RCL1: variants seen among roughly 807,000 people sequenced by gnomAD.
RCL1 encodes the protein RNA 3'-terminal phosphate cyclase-like protein.
In RCL1, 24 loss-of-function variants were observed where a neutral mutation model predicts 42.4. The ratio of observed to expected loss-of-function variants is 0.57; its 90% CI spans 0.41 to 0.80. The LOEUF (loss-of-function observed/expected upper bound fraction) is 0.80, where lower values mean the gene tolerates loss of function less well. Ranked by LOEUF, RCL1 falls within the 30% of genes least tolerant of loss-of-function variation. The pLI is 0.00. For synonymous variants in RCL1, 228 were observed against 177.3 expected (o/e 1.29, Z -2.27); for missense variants, 578 against 467.9 (o/e 1.24, Z -2.17).
chr9:4,855,082 G>C (rs1269918066), intron 8 of RCL1, among the ~76,000 whole-genome samples: 1 of 149,144 alleles, frequency 6.7e-6, no homozygotes. Flanking sequence ...AATAGGAAAA[G>C]TTATCTCTGT....
In RCL1 at chr9:4,823,565, A is replaced by T. The variant is rs780856398; in HGVS notation, c.154A>T (p.Ile52Leu). Residue 52 changes from isoleucine to leucine, a missense_variant, in exon 2 of 9, where the codon ATA becomes TTA. Ile to Leu is a conservative substitution (Grantham distance 5). Coordinates refer to ENST00000381750, the MANE Select transcript of RCL1 (RefSeq NM_005772.5). ...PGLRDFEASF[I>L]RLLDKITNGS... Reference sequence around the variant, plus strand: ...CTTCACAGATTTTGAAGCCAGCTTCATAAGGCTATTGGACAAAATAACGAA... The same window carrying T: ...CTTCACAGATTTTGAAGCCAGCTTCTTAAGGCTATTGGACAAAATAACGAA... 5 of 1,611,236 alleles carry T rather than the reference A, an allele frequency of 3.1e-6. No individual in the cohort carries two copies. Among genetic ancestry groups the T allele is most frequent in the South Asian group, 1.1e-5 (1 of 90,592 alleles).
At chr9:4,847,234 T>C (rs1817551742) in intron 7 of RCL1, among the ~76,000 whole-genome samples, 1 of 152,172 alleles carries the variant, frequency 6.6e-6, no homozygotes, top group Non-Finnish European at 1.5e-5. Context: ...CTGGACCAAA[T>C]TTCTTTCGTT....
At chr9:4,817,533 G>T (rs1044355056) in intron 1 of RCL1, among the ~76,000 whole-genome samples, 6 of 151,016 alleles carry the variant, frequency 4.0e-5, no homozygotes, top group Non-Finnish European at 7.4e-5. Flanking sequence ...CAGTGCAGTG[G>T]CTCCATCATG....
intron 8 of RCL1, among the ~76,000 whole-genome samples, chr9:4,849,966 G>A (rs1817670016): frequency 6.6e-6 from 1 of 152,152 alleles, no homozygotes; most frequent in South Asian, 2.1e-4. Context: ...TGGGAAAGAT[G>A]ACAAAAGACA....
chr9:4,853,911 C>G (rs1451972551), intron 8 of RCL1, among the ~76,000 whole-genome samples: 1 of 152,122 alleles, frequency 6.6e-6, no homozygotes, highest in East Asian at 1.9e-4. Context: ...CCCACTCAGC[C>G]TAAAGCTCAG....
intron 1 of RCL1, among the ~76,000 whole-genome samples, chr9:4,801,996 C>G (rs557385225): frequency 6.6e-6 from 1 of 151,630 alleles, no homozygotes; most frequent in Non-Finnish European, 1.5e-5. Context: ...GCAGCCTCCG[C>G]CTGCCAGGTT....
intron 8 of RCL1, among the ~76,000 whole-genome samples, chr9:4,851,747 A>AG (rs1201487521): frequency 6.6e-6 from 1 of 151,050 alleles, no homozygotes; most frequent in Admixed American, 6.6e-5. Context: ...TAAAAAAAAA[A>AG]AAGCATTTCT....
intron 8 of RCL1, chr9:4,850,494 T>TTA: frequency 1.6e-5 from 1 of 62,274 alleles, no homozygotes; most frequent in South Asian, 1.8e-4. Context: ...TTTTTTTTTC[T>TTA]TTTTTTTTTT....
rs1396068289 is a variant in RCL1 at position 4,849,479 on chromosome 9, G to A, written c.900G>A (p.Leu300=). Residue 300 remains leucine (L), a synonymous_variant, in exon 8 of 9, where the codon CTG becomes CTA. Transcript: ENST00000381750. ...GGCVDSTNQS[L]ALLLMTLGQQ... is the part of the protein sequence containing the mutation. ...GCGTAGACTCGACCAACCAAAGCCT[G>A]GCGCTACTACTCATGACCCTTGGAC... The A allele has an allele frequency of 6.2e-7, 1 of 1,614,010 alleles. No homozygotes were observed. Among genetic ancestry groups the A allele is most frequent in the Non-Finnish European group, 8.5e-7 (1 of 1,179,976 alleles).
At position 4,860,555 on chromosome 9, in the gene RCL1, G is replaced by A. The variant is rs755603237; in HGVS notation, c.*280G>A. 1.7e-4 allele frequency: 64 copies of A among 378,202 alleles called. No individual in the cohort carries two copies. The highest frequency in any genetic ancestry group is 6.9e-4 in the Middle Eastern group (1 of 1,450). 23.4% of individuals were successfully genotyped at this position (378,202 alleles called of 1,614,324 possible). ...TGTGCCTTCAGGCCACAGTCGTGCTGCTAGAACAGTCTCGTAGCTGCAGTT... is the reference window on the plus strand; with the variant it reads ...TGTGCCTTCAGGCCACAGTCGTGCTACTAGAACAGTCTCGTAGCTGCAGTT... On this transcript the variant is annotated 3_prime_UTR_variant, in exon 9 of 9. Coordinates refer to ENST00000381750, the MANE Select transcript of RCL1 (RefSeq NM_005772.5).
intron 5 of RCL1, 89 bp downstream of exon 5, chr9:4,834,354 A>G: frequency 7.0e-7 from 1 of 1,428,578 alleles, no homozygotes; most frequent in African/African-American, 1.4e-5. Flanking sequence ...CTTCTTCCCG[A>G]GGTTATTTAC....
intron 3 of RCL1, among the ~76,000 whole-genome samples, chr9:4,831,516 T>A (rs1172561507): frequency 1.3e-5 from 2 of 152,136 alleles, no homozygotes; most frequent in African/African-American, 4.8e-5. Flanking sequence ...TCACTCTGTC[T>A]CCCAGGCTGG....
chr9:4,795,706 GT>G (rs1842902945), intron 1 of RCL1, among the ~76,000 whole-genome samples: 1 of 152,166 alleles, frequency 6.6e-6, no homozygotes, highest in Non-Finnish European at 1.5e-5. Context: ...TCTCTTCAAG[GT>G]GCTTGCTTAA....
In RCL1 at chr9:4,808,703, G is replaced by C. The variant is rs1273064803; in HGVS notation, c.137-14845G>C. ...TGAGGACTAGTATTGAAGAGTTCAG[G>C]TATAAAAAACTTGAAAGGCAGTAAA... On this transcript the variant is annotated intron_variant, in intron 1 of 8. Transcript: ENST00000381750. Among the ~76,000 whole-genome samples, 3 of 152,134 alleles carry C rather than the reference G, an allele frequency of 2.0e-5. No individual in the cohort carries two copies. The East Asian group carries it at 5.8e-4, about 29-fold the overall frequency.
At position 4,800,416 on chromosome 9, in the gene RCL1, C is replaced by T. The variant is rs569922389; in HGVS notation, c.136+7189C>T. On this transcript the variant is annotated intron_variant, in intron 1 of 8. Transcript: ENST00000381750. ...TTTTAGTAGAGACGGGGTTTCGGCACGTTGGCCAGGCTGGTCTCGAACTCC... is the reference window on the plus strand; with the variant it reads ...TTTTAGTAGAGACGGGGTTTCGGCATGTTGGCCAGGCTGGTCTCGAACTCC... 1.2e-3 allele frequency among the ~76,000 whole-genome samples: 178 copies of T among 151,704 alleles called. 3 individuals carry two copies. Among genetic ancestry groups the T allele is most frequent in the Admixed American group, 2.4e-3 (37 of 15,256 alleles).
In RCL1 at chr9:4,837,682, C is replaced by T. The variant is rs145514683; in HGVS notation, c.584+3417C>T. Among the ~76,000 whole-genome samples the T allele has an allele frequency of 2.2e-3, 333 of 152,246 alleles. 4 individuals are homozygous for T. Among genetic ancestry groups the T allele is most frequent in the African/African-American group, 7.7e-3 (320 of 41,548 alleles). On this transcript the variant is annotated intron_variant, in intron 5 of 8. Transcript: ENST00000381750. ...GATGATGCTGGGAAATGGGGAAGGG[C>T]TTTCCAGGGGAGAACATAAAAGTTA...
intron 5 of RCL1, among the ~76,000 whole-genome samples, 162 bp downstream of exon 5, chr9:4,834,427 T>G (rs1336386769): frequency 1.3e-5 from 2 of 152,080 alleles, no homozygotes; most frequent in East Asian, 3.9e-4. Context: ...TGAGTTAGGA[T>G]GTTCTGTTAT....
chr9:4,850,493 C>T (rs10974811), intron 8 of RCL1: 9,093 of 136,082 alleles, frequency 0.067, 12 homozygotes, highest in South Asian at 0.16. Flanking sequence ...TTTTTTTTTT[C>T]TTTTTTTTTT....
intron 3 of RCL1, 194 bp downstream of exon 3, chr9:4,827,227 C>A (rs752666909): frequency 1.7e-5 from 25 of 1,508,242 alleles, no homozygotes; most frequent in Middle Eastern, 2.3e-4. Context: ...AAATTCAGGA[C>A]TATTGTTAAC....
Sources: gnomAD v4.1 joint callset for allele counts (sites outside exome capture counted in the v4.1 genomes callset) on GRCh38, gnomAD v4.1.1 for gene constraint, MANE v1.5 for transcripts, NCBI Gene and HGNC (gene_info 2026-07-23, HGNC 2026-07-21) for gene names.